LRRC18: variants seen among roughly 807,000 people sequenced by gnomAD.
The protein encoded by LRRC18 is leucine-rich repeat-containing protein 18.
LRRC18 carries 12 observed loss-of-function variants against 11.2 expected under a neutral mutation model. The observed-to-expected ratio is 1.07, with a 90% CI of 0.69 to 1.74. The LOEUF (loss-of-function observed/expected upper bound fraction) is 1.74. Among genes scored for constraint, LRRC18 ranks in the 40% most tolerant of loss-of-function variants. The pLI is 0.00. For missense variants in LRRC18, 374 were observed against 330.5 expected, an observed-to-expected ratio of 1.13 and a Z score of -1.02; for synonymous variants, 155 against 130.6, an observed-to-expected ratio of 1.19 and a Z score of -1.27.
chr10:48,928,585 G>C, the LRRC18 span, among the ~76,000 whole-genome samples: 1 of 152,186 alleles, frequency 6.6e-6, no homozygotes, highest in Non-Finnish European at 1.5e-5. Context: ...GGGGCCAAGA[G>C]GACACATTGC....
chr10:48,936,385 T>C, the LRRC18 span, among the ~76,000 whole-genome samples: 2 of 152,142 alleles, frequency 1.3e-5, no homozygotes, highest in Admixed American at 1.3e-4. Flanking sequence ...TACTACCCAG[T>C]ATACTTCTAA....
the LRRC18 span, among the ~76,000 whole-genome samples, chr10:48,936,023 T>C: frequency 2.6e-5 from 4 of 152,154 alleles, no homozygotes; most frequent in Non-Finnish European, 5.9e-5. Flanking sequence ...TTTGAAAATG[T>C]ATATGCAGAA....
the LRRC18 span, among the ~76,000 whole-genome samples, chr10:48,929,503 C>T: frequency 4.6e-5 from 7 of 152,304 alleles, no homozygotes; most frequent in East Asian, 1.9e-4. Context: ...GCCTCTGCCA[C>T]GTGCCCCCTG....
exon 1 of LRRC18, chr10:48,914,078 A>T (rs745552028): frequency 6.2e-7 from 1 of 1,614,172 alleles, no homozygotes; most frequent in Non-Finnish European, 8.5e-7. Flanking sequence ...TTTTCCCATC[A>T]AAAGTGATTT....
At chr10:48,918,601 A>G (rs1467355007), upstream of LRRC18, among the ~76,000 whole-genome samples, 2 of 152,248 alleles carry the variant, frequency 1.3e-5, no homozygotes, top group Admixed American at 6.5e-5. Context: ...GAAAGGAAAA[A>G]TGGATAAATT....
upstream of LRRC18, among the ~76,000 whole-genome samples, chr10:48,915,394 C>T (rs1000553286): frequency 6.8e-6 from 1 of 146,668 alleles, no homozygotes; most frequent in African/African-American, 2.5e-5. Context: ...TTTTTAAAGG[C>T]CTCCTGTGCC....
At chr10:48,932,854 T>C in the LRRC18 span, among the ~76,000 whole-genome samples, 1 of 152,214 alleles carries the variant, frequency 6.6e-6, no homozygotes, top group East Asian at 1.9e-4. Context: ...ACTAGAATGC[T>C]AAGAAGAAGC....
chr10:48,930,573 G>A, the LRRC18 span, among the ~76,000 whole-genome samples: 2 of 152,178 alleles, frequency 1.3e-5, no homozygotes, highest in Non-Finnish European at 2.9e-5. Flanking sequence ...ACTCTGGGAA[G>A]AGGTGGGACT....
intron 1 of LRRC18, among the ~76,000 whole-genome samples, chr10:48,912,318 G>C (rs1838080417): frequency 6.6e-6 from 1 of 152,236 alleles, no homozygotes; most frequent in Non-Finnish European, 1.5e-5. Flanking sequence ...GCCTGTTTTA[G>C]AGGCACAGAA....
rs1230846666 is a variant in LRRC18, at chr10:48,910,263, G to A, written c.765-5C>T. 6.2e-7 allele frequency: 1 copy of A among 1,613,520 alleles called. No individual in the cohort carries two copies. The highest frequency in any genetic ancestry group is 1.7e-5 in the Admixed American group (1 of 60,026). On this transcript the variant is annotated splice_region_variant and splice_polypyrimidine_tract_variant and intron_variant, in intron 1 of 1. Coordinates refer to ENST00000374160, the Ensembl canonical transcript of LRRC18. ...TAGGAAGATGTCAAGCGTATTCTGG[G>A]GATGGAGACACAAGAAGGTGAGGCA...
the LRRC18 span, among the ~76,000 whole-genome samples, chr10:48,932,813 T>C: frequency 2.6e-5 from 4 of 151,710 alleles, no homozygotes; most frequent in Non-Finnish European, 5.9e-5. Flanking sequence ...GGTGGGGAGG[T>C]CCTTTCTGAG....
upstream of LRRC18, chr10:48,914,273 A>G: frequency 9.0e-7 from 1 of 1,113,836 alleles, no homozygotes; most frequent in Non-Finnish European, 1.3e-6. Flanking sequence ...GAGATGCCAG[A>G]GGGCACTGGG....
At chr10:48,930,014 C>T in the LRRC18 span, among the ~76,000 whole-genome samples, 1 of 151,836 alleles carries the variant, frequency 6.6e-6, no homozygotes, top group Admixed American at 6.6e-5. Context: ...ATTATCTATC[C>T]CCCATTCTCC....
In LRRC18 at chr10:48,914,210, G is replaced by A. The variant is rs1838288713; in HGVS notation, c.-55C>T. ...TATTGTTCTGATTGGATAGTGATCA[G>A]TGTGAGGAAAAATCATGAAAAACTG... On this transcript the variant is annotated 5_prime_UTR_variant, in exon 1 of 2. Coordinates refer to ENST00000374160, the Ensembl canonical transcript of LRRC18. The A allele has an allele frequency of 5.8e-6, 9 of 1,539,258 alleles. No individual in the cohort carries two copies. In the Admixed American group the frequency reaches 9.6e-5, roughly 16 times the overall value.
chr10:48,939,751 G>T, the LRRC18 span, among the ~76,000 whole-genome samples: 20 of 152,202 alleles, frequency 1.3e-4, no homozygotes, highest in African/African-American at 4.8e-4. Context: ...CTCACCTTTG[G>T]TTAGGTGTCC....
chr10:48,909,937 A>C (rs913383446), exon 2 of LRRC18: 4 of 381,252 alleles, frequency 1.0e-5, no homozygotes, highest in African/African-American at 6.1e-5. Context: ...TTTAAGTCTT[A>C]AAGTCTTAAA....
At chr10:48,934,103 C>A in the LRRC18 span, among the ~76,000 whole-genome samples, 4 of 152,184 alleles carry the variant, frequency 2.6e-5, no homozygotes, top group African/African-American at 9.7e-5. Context: ...CCTGTCACAG[C>A]CCTGTCCTCC....
At chr10:48,936,665 G>A in the LRRC18 span, among the ~76,000 whole-genome samples, 673 of 151,572 alleles carry the variant, frequency 4.4e-3, 12 homozygotes, top group African/African-American at 0.016. Flanking sequence ...GTGAAACCCC[G>A]TCTCTACTAA....
chr10:48,910,115 G>A (rs377008312), exon 2 of LRRC18: 9 of 927,580 alleles, frequency 9.7e-6, no homozygotes, highest in East Asian at 7.3e-5. Context: ...GGCCAGCTCC[G>A]GCGAGCCTGG....
Sources: gnomAD v4.1 joint callset for allele counts (sites outside exome capture counted in the v4.1 genomes callset) on GRCh38, gnomAD v4.1.1 for gene constraint, MANE v1.5 for transcripts, NCBI Gene and HGNC (gene_info 2026-07-23, HGNC 2026-07-21) for gene names.